KIF13A: variants seen among roughly 807,000 people sequenced by gnomAD.
The protein encoded by KIF13A is kinesin family member 13A.
In KIF13A, 79 loss-of-function variants were observed where a neutral mutation model predicts 212.2. That is an observed-to-expected ratio of 0.37 (90% confidence interval 0.31 to 0.45). The LOEUF (loss-of-function observed/expected upper bound fraction) is 0.45. Ranked by LOEUF, KIF13A falls within the 20% of genes least tolerant of loss-of-function variation. The pLI is 1.00. For synonymous variants in KIF13A, 789 were observed against 808.6 expected (o/e 0.98, Z 0.41); for missense variants, 1,901 against 2,209.0 (o/e 0.86, Z 2.79).
intron 2 of KIF13A, among the ~76,000 whole-genome samples, chr6:17,964,422 T>C (rs1163355151): frequency 6.6e-6 from 1 of 152,186 alleles, no homozygotes; most frequent in Non-Finnish European, 1.5e-5. Flanking sequence ...GTAATTGTAC[T>C]TTATTCTCTA....
Position 17,836,845 on chromosome 6 carries a change from C to T in KIF13A, c.1155+33G>A, listed in dbSNP as rs747177928. 6.9e-6 allele frequency: 11 copies of T among 1,598,932 alleles called. No homozygotes were observed. In the African/African-American group the frequency reaches 1.1e-4, roughly 16 times the overall value. On this transcript the variant is annotated intron_variant, in intron 11 of 38. Transcript: ENST00000259711. ...CAGTCAAATCCCGCAAGCCAGGGAA[C>T]TTTACCAGCAGGGAGTACCAGGCTG...
intron 18 of KIF13A, among the ~76,000 whole-genome samples, chr6:17,808,163 A>G (rs1363908449): frequency 6.6e-6 from 1 of 152,224 alleles, no homozygotes; most frequent in African/African-American, 2.4e-5. Flanking sequence ...GAGCGTGCAG[A>G]ACATCTGAAC....
intron 20 of KIF13A, among the ~76,000 whole-genome samples, chr6:17,800,836 T>G (rs961381499): frequency 4.7e-4 from 71 of 151,904 alleles, no homozygotes; most frequent in African/African-American, 1.7e-3. Context: ...CCTGACCTCA[T>G]GATCCACCCG....
In KIF13A at chr6:17,898,220, A is replaced by C. The variant is rs1249375720; in HGVS notation, c.147-40T>G. On this transcript the variant is annotated intron_variant, in intron 2 of 38. Coordinates refer to ENST00000259711, the MANE Select transcript of KIF13A (RefSeq NM_022113.6). This position sits in a 1 kb window ranked among gnomAD's most constrained non-coding sequence, Gnocchi z 5.2. Reference sequence around the variant, plus strand: ...AAAAAAAATTCAGCAGCAGGGATACAGAGGGTTGTCAACACAGCAGCCACA... The same window carrying C: ...AAAAAAAATTCAGCAGCAGGGATACCGAGGGTTGTCAACACAGCAGCCACA... 3.7e-6 allele frequency: 6 copies of C among 1,608,494 alleles called. No homozygotes were observed. Among genetic ancestry groups the C allele is most frequent in the Non-Finnish European group, 5.1e-6 (6 of 1,175,910 alleles).
Position 17,794,226 on chromosome 6 carries a change from T to C in KIF13A, c.3222+23A>G. 1 of 1,589,160 alleles carries C rather than the reference T, an allele frequency of 6.3e-7. No homozygotes were observed. The highest frequency in any genetic ancestry group is 1.1e-5 in the South Asian group (1 of 89,426). On this transcript the variant is annotated intron_variant, in intron 25 of 38. Coordinates refer to ENST00000259711, the MANE Select transcript of KIF13A (RefSeq NM_022113.6). This position sits in a 1 kb window ranked among gnomAD's most constrained non-coding sequence, Gnocchi z 4.1. ...GCATTAACCAAGCTTTGTTAAATACTATTTTAAGTCTGCTTGTCTTACCTG... is the reference window on the plus strand; with the variant it reads ...GCATTAACCAAGCTTTGTTAAATACCATTTTAAGTCTGCTTGTCTTACCTG...
Position 17,954,867 on chromosome 6 carries a change from C to T in KIF13A, c.146+32187G>A, listed in dbSNP as rs138380906. ...TAAGAAAAAAAATTTTTTTAAGAGA[C>T]GGGGTCTTGCTATGTTGTCCAAGCT... On this transcript the variant is annotated intron_variant, in intron 2 of 38. Transcript: ENST00000259711. Among the ~76,000 whole-genome samples, 1,289 of 152,142 alleles carry T rather than the reference C, an allele frequency of 8.5e-3. 12 individuals carry two copies. The highest frequency in any genetic ancestry group is 0.012 in the Admixed American group (180 of 15,266).
rs975282593 is a variant in KIF13A, at chr6:17,961,121, G to A, written c.146+25933C>T. On this transcript the variant is annotated intron_variant, in intron 2 of 38. Transcript: ENST00000259711. This position sits in a 1 kb window ranked among gnomAD's most constrained non-coding sequence, Gnocchi z 4.1. Reference sequence around the variant, plus strand: ...CAGAGAAAGATTCTTAAAGGAAGACGTATGCTGAAACATCCAAAAGGAACC... The same window carrying A: ...CAGAGAAAGATTCTTAAAGGAAGACATATGCTGAAACATCCAAAAGGAACC... Among the ~76,000 whole-genome samples the A allele has an allele frequency of 1.3e-5, 2 of 152,330 alleles. No homozygotes were observed. Among genetic ancestry groups the A allele is most frequent in the South Asian group, 2.1e-4 (1 of 4,826 alleles).
Position 17,987,397 on chromosome 6 carries a change from A to G in KIF13A, c.55+12T>C. On this transcript the variant is annotated intron_variant, in intron 1 of 38. Coordinates refer to ENST00000259711, the MANE Select transcript of KIF13A (RefSeq NM_022113.6). The surrounding 1 kb of genome is among the most constrained non-coding windows in gnomAD (Gnocchi z 7.7). Reference sequence around the variant, plus strand: ...CCCGAGCAGAAATAAAAAAGAGCGGAAAGCTCCTCACCTCGTCGGTTCATG... The same window carrying G: ...CCCGAGCAGAAATAAAAAAGAGCGGGAAGCTCCTCACCTCGTCGGTTCATG... 1 of 1,365,808 alleles carries G rather than the reference A, an allele frequency of 7.3e-7. No individual in the cohort carries two copies. Among genetic ancestry groups the G allele is most frequent in the East Asian group, 4.4e-5 (1 of 22,768 alleles). 84.6% of individuals were successfully genotyped at this position (1,365,808 alleles called of 1,614,324 possible). A position where few individuals can be genotyped will look rare whatever the true frequency, so the allele number is the denominator to read the frequency against.
chr6:17,895,952 T>C lies in KIF13A; in HGVS notation c.159+2216A>G, dbSNP rs1453148599. Among the ~76,000 whole-genome samples the C allele has an allele frequency of 6.6e-6, 1 of 152,200 alleles. No homozygotes were observed. The highest frequency in any genetic ancestry group is 1.5e-5 in the Non-Finnish European group (1 of 68,044). ...CTATGAATTTCACAAATATTTTGCC[T>C]CTTGTGGTCTTTAATATAATCAATT... is the stretch of plus-strand genomic sequence containing the variant. On this transcript the variant is annotated intron_variant, in intron 3 of 38. Transcript: ENST00000259711. The surrounding 1 kb of genome is among the most constrained non-coding windows in gnomAD (Gnocchi z 4.4).
chr6:17,925,231 G>A (rs1188330601), intron 2 of KIF13A, among the ~76,000 whole-genome samples: 2 of 152,234 alleles, frequency 1.3e-5, no homozygotes, highest in African/African-American at 4.8e-5. Flanking sequence ...GTATTCTGAA[G>A]TTAGAGCAAA....
chr6:17,893,089 G>C (rs1772214933), intron 3 of KIF13A, among the ~76,000 whole-genome samples: 1 of 152,198 alleles, frequency 6.6e-6, no homozygotes, highest in Admixed American at 6.5e-5. Context: ...TGCCAGAATT[G>C]AACTAGATAG....
rs1581910505 is a variant in KIF13A at position 17,783,909 on chromosome 6, G to A, written c.3489-208C>T. ...CATAAAAGAACTTCCAGTTATATGAGTTACATGTAATTAATTGAAACAAAG... is the reference window on the plus strand; with the variant it reads ...CATAAAAGAACTTCCAGTTATATGAATTACATGTAATTAATTGAAACAAAG... On this transcript the variant is annotated intron_variant, in intron 28 of 38. Transcript: ENST00000259711. This position sits in a 1 kb window ranked among gnomAD's most constrained non-coding sequence, Gnocchi z 4.3. Among the ~76,000 whole-genome samples, 1 of 152,140 alleles carries A rather than the reference G, an allele frequency of 6.6e-6. No individual in the cohort carries two copies. The highest frequency in any genetic ancestry group is 1.5e-5 in the Non-Finnish European group (1 of 68,012).
At chr6:17,887,568 T>C (rs1293968924) in intron 3 of KIF13A, among the ~76,000 whole-genome samples, 1 of 152,232 alleles carries the variant, frequency 6.6e-6, no homozygotes, top group African/African-American at 2.4e-5. Context: ...CCCAATGCTC[T>C]ATAAACTACA....
chr6:17,959,292 G>C (rs1242664171), intron 2 of KIF13A, among the ~76,000 whole-genome samples: 1 of 152,126 alleles, frequency 6.6e-6, no homozygotes, highest in Non-Finnish European at 1.5e-5. Flanking sequence ...ATGTTATAGA[G>C]ACTGCATGAA....
rs1759564498 is a variant in KIF13A at position 17,772,311 on chromosome 6, A to T, written c.4325-252T>A. ...GTTGTACTTGCTACTCAGGAGGCTG[A>T]GGCGAGAAGATCGCTTGAGCCCCAG... On this transcript the variant is annotated intron_variant, in intron 36 of 38. Transcript: ENST00000259711. This position sits in a 1 kb window ranked among gnomAD's most constrained non-coding sequence, Gnocchi z 4.8. Among the ~76,000 whole-genome samples the T allele has an allele frequency of 6.6e-6, 1 of 152,150 alleles. No homozygotes were observed. The highest frequency in any genetic ancestry group is 6.6e-5 in the Admixed American group (1 of 15,266).
chr6:17,810,024 C>G (rs1174756431), intron 17 of KIF13A, among the ~76,000 whole-genome samples: 1 of 151,860 alleles, frequency 6.6e-6, no homozygotes, highest in Non-Finnish European at 1.5e-5. Flanking sequence ...GCCAGGAGTT[C>G]AAGACCAGCC....
intron 18 of KIF13A, 48 bp downstream of exon 18, chr6:17,808,720 A>G: frequency 1.9e-6 from 3 of 1,540,180 alleles, no homozygotes; most frequent in African/African-American, 1.4e-5. Context: ...CTATTTTACA[A>G]TATTTACTAT....
rs1157305419 is a variant in KIF13A at position 17,764,090 on chromosome 6, T to A, written c.*20A>T. 1.2e-6 allele frequency: 2 copies of A among 1,604,538 alleles called. No homozygotes were observed. The highest frequency in any genetic ancestry group is 1.7e-5 in the Admixed American group (1 of 59,362). On this transcript the variant is annotated 3_prime_UTR_variant, in exon 39 of 39. Coordinates refer to ENST00000259711, the MANE Select transcript of KIF13A (RefSeq NM_022113.6). The surrounding 1 kb of genome is among the most constrained non-coding windows in gnomAD (Gnocchi z 5.1). ...TGTTGCGGTGAAGGGCCTCTGGGGTTGACATACAGTTAGACATACTCATTG... is the reference window on the plus strand; with the variant it reads ...TGTTGCGGTGAAGGGCCTCTGGGGTAGACATACAGTTAGACATACTCATTG...
At chr6:17,974,266 G>A (rs1780078005) in intron 2 of KIF13A, among the ~76,000 whole-genome samples, 1 of 152,110 alleles carries the variant, frequency 6.6e-6, no homozygotes, top group Non-Finnish European at 1.5e-5. Flanking sequence ...TTTTAGTAGA[G>A]ATGGGGTGTC....
Sources: gnomAD v4.1 joint callset for allele counts (sites outside exome capture counted in the v4.1 genomes callset) on GRCh38, gnomAD v4.1.1 for gene constraint, Gnocchi (gnomAD v3.1) non-coding constraint, MANE v1.5 for transcripts, NCBI Gene and HGNC (gene_info 2026-07-23, HGNC 2026-07-21) for gene names.